Variants in XRN1 observed in about 807,000 individuals in gnomAD.
XRN1 encodes the protein 5'-3' exoribonuclease 1.
Under a neutral mutation model 222.3 loss-of-function variants are expected in XRN1, and 67 were observed. That is an observed-to-expected ratio of 0.30 (90% CI 0.25 to 0.37). XRN1 has a LOEUF of 0.37. XRN1 is among the 10% of genes least tolerant of loss of function. XRN1 has a pLI of 1.00. For missense variants in XRN1, 1,707 were observed against 2,000.2 expected (o/e 0.85, Z 2.80); for synonymous variants, 643 against 652.4 (o/e 0.99, Z 0.22).
rs751193010 is a variant in XRN1, at chr3:142,376,575, T to C, written c.2735A>G (p.Asn912Ser). The change falls in exon 24 of 41, where the codon AAC (asparagine) becomes AGC (serine). Residue 912 changes from asparagine to serine, a missense_variant. Coordinates refer to ENST00000392981, the MANE Select transcript of XRN1 (RefSeq NM_001282857.2). ...GCGACTGGCCAACACATATCCTGGG[T>C]TGTACTTTATAGAATATTTCTTTAA... ...QNQHKYSIKY[N>S]PGYVLASRLG... 4 of 1,611,382 alleles carry C rather than the reference T, an allele frequency of 2.5e-6. No individual in the cohort carries two copies. The South Asian group carries it at 3.3e-5, about 13-fold the overall frequency.
At chr3:142,335,358 GA>G in intron 34 of XRN1, 89 bp downstream of exon 34, 10 of 1,277,248 alleles carry the variant, frequency 7.8e-6, no homozygotes, top group Non-Finnish European at 1.1e-5. Context: ...AAATTTGGTT[GA>G]AAAGGTTGAG....
chr3:142,416,597 T>C (rs2108083833), intron 13 of XRN1, among the ~76,000 whole-genome samples: 1 of 152,344 alleles, frequency 6.6e-6, no homozygotes, highest in South Asian at 2.1e-4. Flanking sequence ...ATCAAGACTT[T>C]GCCAAACTTG....
chr3:142,318,987 T>G, intron 37 of XRN1, 84 bp from the exon 38 acceptor site: 1 of 1,142,952 alleles, frequency 8.7e-7, no homozygotes, highest in Non-Finnish European at 1.2e-6. Context: ...ACAAGTAAAA[T>G]AATTTTATCA....
chr3:142,357,209 T>C, intron 30 of XRN1, 90 bp from the exon 31 acceptor site: 1 of 1,204,974 alleles, frequency 8.3e-7, no homozygotes, highest in Non-Finnish European at 1.2e-6. Flanking sequence ...GGACAATCCA[T>C]CATCAGCATT....
At chr3:142,339,756 T>C (rs1456269319) in intron 33 of XRN1, among the ~76,000 whole-genome samples, 2 of 151,494 alleles carry the variant, frequency 1.3e-5, no homozygotes, top group Admixed American at 6.6e-5. Flanking sequence ...TGAGACGTAA[T>C]AGTACCACTG....
intron 33 of XRN1, among the ~76,000 whole-genome samples, chr3:142,343,230 T>C (rs907285394): frequency 5.3e-5 from 8 of 151,856 alleles, no homozygotes; most frequent in Admixed American, 6.6e-5. Flanking sequence ...CCGAGGCATG[T>C]GGATCACGAG....
intron 32 of XRN1, 46 bp from the exon 33 acceptor site, chr3:142,347,388 AACT>A: frequency 8.5e-7 from 1 of 1,175,294 alleles, no homozygotes; most frequent in Non-Finnish European, 1.2e-6. Flanking sequence ...TTAATATTAT[AACT>A]ACTTCTTATC....
intron 2 of XRN1, among the ~76,000 whole-genome samples, chr3:142,431,874 AT>A (rs1408273253): frequency 1.4e-4 from 4 of 27,594 alleles, no homozygotes; most frequent in African/African-American, 3.3e-4. Context: ...AATATATTAT[AT>A]TATATATATT....
intron 15 of XRN1, among the ~76,000 whole-genome samples, chr3:142,411,703 G>A (rs1428327573): frequency 6.6e-6 from 1 of 151,990 alleles, no homozygotes; most frequent in Non-Finnish European, 1.5e-5. Flanking sequence ...AGGCTATTTA[G>A]AAGTGTGCTA....
chr3:142,359,141 C>T (rs1430387756), intron 30 of XRN1, among the ~76,000 whole-genome samples: 1 of 152,180 alleles, frequency 6.6e-6, no homozygotes, highest in Non-Finnish European at 1.5e-5. Context: ...GTTCCTATAA[C>T]TTTAAACTTT....
intron 27 of XRN1, among the ~76,000 whole-genome samples, chr3:142,365,817 C>T (rs534906560): frequency 6.6e-6 from 1 of 152,060 alleles, no homozygotes; most frequent in African/African-American, 2.4e-5. Context: ...AAATGCTATC[C>T]TATTCAAATG....
intron 33 of XRN1, among the ~76,000 whole-genome samples, chr3:142,344,542 CA>C (rs1035077700): frequency 6.6e-6 from 1 of 151,678 alleles, no homozygotes; most frequent in Non-Finnish European, 1.5e-5. Context: ...GCAGAAGCCA[CA>C]AAAAATTAGG....
intron 36 of XRN1, among the ~76,000 whole-genome samples, chr3:142,332,018 C>T (rs116829279): frequency 0.045 from 6,835 of 152,222 alleles, 207 homozygotes; most frequent in Non-Finnish European, 0.061. Flanking sequence ...TTAAGAGATC[C>T]GCCTGCCTCA....
intron 33 of XRN1, among the ~76,000 whole-genome samples, chr3:142,346,851 C>A (rs918038376): frequency 6.6e-6 from 1 of 152,130 alleles, no homozygotes; most frequent in Non-Finnish European, 1.5e-5. Context: ...AGAGGGCCGA[C>A]TGAACATGCT....
Position 142,432,734 on chromosome 3 carries a change from T to G in XRN1, c.235A>C (p.Lys79Gln), listed in dbSNP as rs770861862. The G allele has an allele frequency of 6.2e-7, 1 of 1,613,590 alleles. No individual in the cohort carries two copies. The change falls in exon 2 of 41, where the codon AAA becomes CAA. Residue 79 changes from lysine (K) to glutamine (Q), a missense_variant. By Grantham distance (53) the Lys-to-Gln change is moderately conservative (BLOSUM62 1). This residue lies in a region of XRN1 where 1,234 missense variants were observed against 1,518.2 expected (regional missense o/e 0.81). Coordinates refer to ENST00000392981, the MANE Select transcript of XRN1 (RefSeq NM_001282857.2). ...CCATCTACAGCCATAAAGAACACTT[T>G]CCTGGGTTTAATAATGCGAAACAAC... ...EVLFRIIKPR[K>Q]VFFMAVDGVA... is the part of the protein sequence containing the mutation.
chr3:142,364,990 G>A (rs1370966056), intron 29 of XRN1, 57 bp downstream of exon 29: 4 of 1,542,788 alleles, frequency 2.6e-6, no homozygotes, highest in Non-Finnish European at 1.8e-6. Flanking sequence ...AGACAAGCCT[G>A]TTTATTACTT....
intron 34 of XRN1, 61 bp downstream of exon 34, chr3:142,335,387 A>T (rs2065823692): frequency 2.7e-6 from 4 of 1,481,370 alleles, no homozygotes; most frequent in Middle Eastern, 1.7e-4. Flanking sequence ...GTCCAATGCT[A>T]CAGAGCCACC....
intron 18 of XRN1, among the ~76,000 whole-genome samples, chr3:142,402,638 T>C (rs2068186015): frequency 6.6e-6 from 1 of 152,192 alleles, no homozygotes; most frequent in Admixed American, 6.5e-5. Flanking sequence ...CTTAGGGCAT[T>C]AGGGCTTATA....
chr3:142,421,345 G>T, intron 9 of XRN1, 131 bp downstream of exon 9: 1 of 934,868 alleles, frequency 1.1e-6, no homozygotes, highest in Non-Finnish European at 1.5e-6. Context: ...ATTAATTTAG[G>T]TAAAAGTGTT....
Sources: allele counts gnomAD v4.1 joint callset (sites outside exome capture counted in the v4.1 genomes callset), GRCh38; gene constraint gnomAD v4.1.1; regional missense constraint gnomAD v4.1.1; transcripts MANE v1.5; gene names NCBI Gene and HGNC (gene_info 2026-07-23, HGNC 2026-07-21).